The following CFAP206 variants were observed in gnomAD, a reference collection of about 807,000 sequenced individuals.
CFAP206 encodes cilia and flagella associated protein 206, also known as cilia- and flagella-associated protein 206.
A neutral mutation model predicts 65.4 loss-of-function variants in CFAP206; 53 were observed. The observed-to-expected ratio is 0.81, with a 90% CI of 0.65 to 1.02. The LOEUF (loss-of-function observed/expected upper bound fraction) is 1.02, where lower values mean the gene tolerates loss of function less well. CFAP206 is among the 50% of genes least tolerant of loss of function. CFAP206 has a pLI of 0.00. For missense variants in CFAP206, 663 were observed against 753.2 expected, an observed-to-expected ratio of 0.88 and a Z score of 1.40; for synonymous variants, 250 against 254.4, an observed-to-expected ratio of 0.98 and a Z score of 0.17.
At chr6:87,442,624 GGATTTTGTTTTATTA>G (rs1197085582) in intron 11 of CFAP206, among the ~76,000 whole-genome samples, 5 of 151,930 alleles carry the variant, frequency 3.3e-5, no homozygotes, top group Admixed American at 3.3e-4. Context: ...AGCTTTTTGT[GGATTTTGTTTTATTA>G]GGTTAAGGGT....
intron 11 of CFAP206, among the ~76,000 whole-genome samples, chr6:87,456,814 G>C (rs2127957279): frequency 6.6e-6 from 1 of 152,032 alleles, no homozygotes; most frequent in East Asian, 1.9e-4. Flanking sequence ...CCAAAGAAGT[G>C]AAAGATCTCT....
At chr6:87,415,443 G>A (rs1049438777) in intron 4 of CFAP206, 8 of 466,006 alleles carry the variant, frequency 1.7e-5, no homozygotes, top group African/African-American at 1.4e-4. Context: ...TAGTTTGGCT[G>A]TTTAAAGTCT....
intron 11 of CFAP206, among the ~76,000 whole-genome samples, chr6:87,457,447 TG>T (rs1236687798): frequency 2.6e-5 from 4 of 152,188 alleles, no homozygotes; most frequent in African/African-American, 7.2e-5. Context: ...CAAAATAGCA[TG>T]GTACTGGCAT....
chr6:87,427,143 A>C (rs1302170741), intron 8 of CFAP206, among the ~76,000 whole-genome samples: 1 of 152,098 alleles, frequency 6.6e-6, no homozygotes, highest in African/African-American at 2.4e-5. Context: ...TTATTTATTT[A>C]TTTATTTACT....
Position 87,407,994 on chromosome 6 carries a change from G to A in CFAP206, c.-101G>A. 1 of 985,652 alleles carries A rather than the reference G, an allele frequency of 1.0e-6. No individual in the cohort carries two copies. The highest frequency in any genetic ancestry group is 1.2e-6 in the Non-Finnish European group (1 of 830,116). 61.1% of individuals were successfully genotyped at this position (985,652 alleles called of 1,614,324 possible). A position where few individuals can be genotyped will look rare whatever the true frequency, so the allele number is the denominator to read the frequency against. On this transcript the variant is annotated 5_prime_UTR_variant, in exon 1 of 13. Coordinates refer to ENST00000369562, the MANE Select transcript of CFAP206 (RefSeq NM_001031743.3). Reference sequence around the variant, plus strand: ...AGCCTTCCATCTCCATGGTTACGCGGCGGTGGCTGCGAGCGCCCAACTGCT... The same window carrying A: ...AGCCTTCCATCTCCATGGTTACGCGACGGTGGCTGCGAGCGCCCAACTGCT...
At chr6:87,417,920 A>C (rs1441581705) in intron 6 of CFAP206, among the ~76,000 whole-genome samples, 1 of 151,688 alleles carries the variant, frequency 6.6e-6, no homozygotes, top group Non-Finnish European at 1.5e-5. Context: ...TTGTGTTTTT[A>C]GTAGAGACGG....
At chr6:87,445,566 A>G (rs1231404684) in intron 11 of CFAP206, among the ~76,000 whole-genome samples, 1 of 152,130 alleles carries the variant, frequency 6.6e-6, no homozygotes, top group African/African-American at 2.4e-5. Context: ...TTATTATTCC[A>G]TGGTGTATAT....
intron 11 of CFAP206, among the ~76,000 whole-genome samples, chr6:87,450,035 T>G (rs1002564882): frequency 1.3e-5 from 2 of 152,226 alleles, no homozygotes; most frequent in African/African-American, 4.8e-5. Flanking sequence ...TTCTTCTGCA[T>G]GTGGATATCC....
Position 87,434,888 on chromosome 6 carries a change from TA to T in CFAP206, c.1332del (p.Glu445LysfsTer25). Reference protein sequence around the residue: ...GNPAIGILKYKEKYYTFNSKD... With the variant: ...GNPAIGILKYXEKYYTFNSKD... ...ATCCAGCAATTGGAATTTTAAAATA[TA>T]AAGAAAAATATTACACATTCAATAG... On this transcript the variant is annotated frameshift_variant, in exon 11 of 13. Transcript: ENST00000369562. LOFTEE classifies it high-confidence loss of function. 1.4e-6 allele frequency: 2 copies of T among 1,434,792 alleles called. No homozygotes were observed. Among genetic ancestry groups the T allele is most frequent in the Non-Finnish European group, 1.9e-6 (2 of 1,047,362 alleles). 88.9% of individuals were successfully genotyped at this position (1,434,792 alleles called of 1,614,324 possible).
chr6:87,438,244 C>T (rs1405766116), intron 11 of CFAP206, among the ~76,000 whole-genome samples: 1 of 152,006 alleles, frequency 6.6e-6, no homozygotes, highest in African/African-American at 2.4e-5. Context: ...GAGTAGATCA[C>T]AAGGTCAGGA....
intron 11 of CFAP206, among the ~76,000 whole-genome samples, chr6:87,458,120 G>A (rs1768680065): frequency 6.6e-6 from 1 of 152,098 alleles, no homozygotes; most frequent in Non-Finnish European, 1.5e-5. Context: ...ACTATAATGA[G>A]ATATCATCCC....
intron 7 of CFAP206, among the ~76,000 whole-genome samples, chr6:87,424,699 C>CT (rs1768006544): frequency 6.6e-6 from 1 of 152,228 alleles, no homozygotes; most frequent in Non-Finnish European, 1.5e-5. Flanking sequence ...TTCAATGCGA[C>CT]TTTTTTCTGT....
rs200301057 is a variant in CFAP206 at position 87,432,339 on chromosome 6, C to CTGAGGCCCAG, written c.1300+1172_1300+1181dup. On this transcript the variant is annotated intron_variant, in intron 10 of 12. Transcript: ENST00000369562. Reference sequence around the variant, plus strand: ...ACTGTGGGAAGTTGAAAGTAATATTCTGAGGCCCAGTGAGGGTCACTGATA... The same window carrying CTGAGGCCCAG: ...ACTGTGGGAAGTTGAAAGTAATATTCTGAGGCCCAGTGAGGCCCAGTGAGGGTCACTGATA... Among the ~76,000 whole-genome samples the CTGAGGCCCAG allele has an allele frequency of 7.0e-4, 107 of 152,206 alleles. No homozygotes were observed. In the East Asian group the frequency reaches 0.02, roughly 29 times the overall value.
intron 11 of CFAP206, among the ~76,000 whole-genome samples, chr6:87,459,268 T>C (rs1403586169): frequency 6.6e-6 from 1 of 152,156 alleles, no homozygotes; most frequent in Non-Finnish European, 1.5e-5. Flanking sequence ...CCGTTTTTTG[T>C]CTGTAAGATG....
At chr6:87,422,193 A>T (rs1767952494) in intron 7 of CFAP206, among the ~76,000 whole-genome samples, 1 of 152,166 alleles carries the variant, frequency 6.6e-6, no homozygotes, top group Non-Finnish European at 1.5e-5. Context: ...TCACACCTGT[A>T]ATCCCAGCAC....
chr6:87,412,802 A>T (rs1767759673), intron 3 of CFAP206, among the ~76,000 whole-genome samples: 1 of 152,176 alleles, frequency 6.6e-6, no homozygotes, highest in African/African-American at 2.4e-5. Context: ...CTGGGACTAC[A>T]GGTGTGTGCC....
At chr6:87,415,912 A>G in intron 5 of CFAP206, 38 bp downstream of exon 5, 2 of 1,353,812 alleles carry the variant, frequency 1.5e-6, no homozygotes, top group Non-Finnish European at 2.0e-6. Flanking sequence ...ATAAGTGAAA[A>G]TATATGGTCA....
At chr6:87,438,866 G>A (rs1768320619) in intron 11 of CFAP206, among the ~76,000 whole-genome samples, 1 of 152,094 alleles carries the variant, frequency 6.6e-6, no homozygotes, top group Non-Finnish European at 1.5e-5. Context: ...TAATGTAAAT[G>A]TATTTCCCAC....
At chr6:87,431,993 T>C (rs1768167458) in intron 10 of CFAP206, among the ~76,000 whole-genome samples, 1 of 152,060 alleles carries the variant, frequency 6.6e-6, no homozygotes, top group Admixed American at 6.5e-5. Context: ...TTCTCCAAAA[T>C]AAAGAATAAA....
Sources: allele counts gnomAD v4.1 joint callset (sites outside exome capture counted in the v4.1 genomes callset), GRCh38; gene constraint gnomAD v4.1.1; transcripts MANE v1.5; gene names NCBI Gene and HGNC (gene_info 2026-07-23, HGNC 2026-07-21).